THSD7B: variants seen among roughly 807,000 people sequenced by gnomAD.
THSD7B encodes thrombospondin type 1 domain containing 7B, also known as thrombospondin type-1 domain-containing protein 7B.
THSD7B carries 138 observed loss-of-function variants against 213.6 expected under a neutral mutation model. The ratio of observed to expected loss-of-function variants is 0.65; its 90% CI spans 0.56 to 0.74. The LOEUF (loss-of-function observed/expected upper bound fraction) is 0.74. Ranked by LOEUF, THSD7B falls within the 30% of genes least tolerant of loss-of-function variation. THSD7B has a pLI of 0.00. For missense variants in THSD7B, 1,931 were observed against 1,991.5 expected (o/e 0.97, Z 0.58); for synonymous variants, 742 against 687.0 (o/e 1.08, Z -1.25).
intron 2 of THSD7B, among the ~76,000 whole-genome samples, chr2:136,944,772 C>G (rs1235876975): frequency 1.4e-5 from 2 of 148,146 alleles, no homozygotes; most frequent in Non-Finnish European, 3.0e-5. Context: ...TTATTTTGAG[C>G]CTAGTGTTTC....
chr2:137,069,113 C>T (rs1390349470), intron 3 of THSD7B, among the ~76,000 whole-genome samples: 1 of 152,016 alleles, frequency 6.6e-6, no homozygotes, highest in Non-Finnish European at 1.5e-5. Flanking sequence ...TTTGCTTTTA[C>T]TTGTCTCAGT....
chr2:137,442,369 C>T (rs530106665), intron 14 of THSD7B, among the ~76,000 whole-genome samples: 1 of 152,032 alleles, frequency 6.6e-6, no homozygotes, highest in African/African-American at 2.4e-5. Flanking sequence ...ACTTCACCTT[C>T]TGAAGATGCT....
intron 2 of THSD7B, among the ~76,000 whole-genome samples, chr2:137,009,581 A>G (rs752723516): frequency 1.3e-5 from 2 of 152,122 alleles, no homozygotes; most frequent in Non-Finnish European, 2.9e-5. Context: ...CATAATCATG[A>G]TGGAAGGGGA....
At chr2:136,960,242 C>G (rs1685193723) in intron 2 of THSD7B, among the ~76,000 whole-genome samples, 1 of 152,134 alleles carries the variant, frequency 6.6e-6, no homozygotes, top group African/African-American at 2.4e-5. Flanking sequence ...ATCCCCGCAC[C>G]ACAACCTCCT....
At chr2:137,635,106 A>G (rs1479326702) in intron 20 of THSD7B, among the ~76,000 whole-genome samples, 1 of 152,198 alleles carries the variant, frequency 6.6e-6, no homozygotes, top group East Asian at 1.9e-4. Context: ...GAAAAGGCTC[A>G]GAGAGGAGAA....
At chr2:137,283,246 A>G (rs927946118) in intron 12 of THSD7B, among the ~76,000 whole-genome samples, 3 of 152,162 alleles carry the variant, frequency 2.0e-5, no homozygotes, top group South Asian at 2.1e-4. Flanking sequence ...TGATTTTTGC[A>G]CATTGATTTT....
rs144520819 is a variant in THSD7B, at chr2:136,972,375, A to C, written c.140-84045A>C. Among the ~76,000 whole-genome samples, 267 of 152,334 alleles carry C rather than the reference A, an allele frequency of 1.8e-3. 1 individual carries two copies. The highest frequency in any genetic ancestry group is 6.2e-3 in the African/African-American group (258 of 41,588). Reference sequence around the variant, plus strand: ...AAAAGCAAAAGCAGTTGCTCTAGCGAATAGGCAGTAAGTAAAGAAACAAGG... The same window carrying C: ...AAAAGCAAAAGCAGTTGCTCTAGCGCATAGGCAGTAAGTAAAGAAACAAGG... On this transcript the variant is annotated intron_variant, in intron 2 of 27. Coordinates refer to ENST00000409968, the MANE Select transcript of THSD7B (RefSeq NM_001316349.2).
chr2:137,627,115 A>G (rs1682646224), intron 20 of THSD7B, among the ~76,000 whole-genome samples: 1 of 152,234 alleles, frequency 6.6e-6, no homozygotes, highest in Non-Finnish European at 1.5e-5. Flanking sequence ...ACATGGTGAG[A>G]AAGAGAACAA....
At chr2:137,306,765 A>C (rs527303292) in intron 12 of THSD7B, among the ~76,000 whole-genome samples, 1 of 151,980 alleles carries the variant, frequency 6.6e-6, no homozygotes, top group Non-Finnish European at 1.5e-5. Context: ...CCCTTTTAAA[A>C]GTGTTTTCAT....
chr2:137,576,742 T>G (rs956039480), intron 17 of THSD7B, among the ~76,000 whole-genome samples: 1 of 151,920 alleles, frequency 6.6e-6, no homozygotes, highest in Non-Finnish European at 1.5e-5. Context: ...GAGAAATGCA[T>G]GCCGGTTTTC....
chr2:137,132,696 T>G (rs1326957237), intron 5 of THSD7B, among the ~76,000 whole-genome samples: 1 of 152,204 alleles, frequency 6.6e-6, no homozygotes. Flanking sequence ...GATTGTCTGG[T>G]GCAAACCTCT....
chr2:136,888,950 T>C (rs1021245401), intron 2 of THSD7B, among the ~76,000 whole-genome samples: 2 of 148,812 alleles, frequency 1.3e-5, no homozygotes, highest in Non-Finnish European at 3.0e-5. Context: ...TTGGGGTGTG[T>C]GTGTGTGTGT....
At chr2:137,081,773 C>T (rs1030146008) in intron 3 of THSD7B, among the ~76,000 whole-genome samples, 15 of 152,060 alleles carry the variant, frequency 9.9e-5, no homozygotes, top group African/African-American at 2.7e-4. Context: ...TGAAGGTAGT[C>T]TGTTTTATTT....
chr2:136,921,607 G>A (rs1255246713), intron 2 of THSD7B, among the ~76,000 whole-genome samples: 1 of 152,138 alleles, frequency 6.6e-6, no homozygotes, highest in Non-Finnish European at 1.5e-5. Context: ...ACTGCCTTAA[G>A]GATGAATGGC....
chr2:136,930,500 A>G (rs1684608921), intron 2 of THSD7B, among the ~76,000 whole-genome samples: 1 of 152,242 alleles, frequency 6.6e-6, no homozygotes, highest in African/African-American at 2.4e-5. Context: ...GACAGGCCAT[A>G]CAAAACCATG....
intron 3 of THSD7B, among the ~76,000 whole-genome samples, chr2:137,060,596 C>T (rs1004065781): frequency 6.6e-6 from 1 of 151,894 alleles, no homozygotes; most frequent in African/African-American, 2.4e-5. Context: ...TCAGTTGTTC[C>T]AGCACCATTT....
intron 26 of THSD7B, among the ~76,000 whole-genome samples, chr2:137,667,479 G>A (rs370398022): frequency 5.9e-5 from 9 of 152,162 alleles, no homozygotes; most frequent in Admixed American, 3.9e-4. Context: ...CATTAAAAAT[G>A]GTACCATGTA....
intron 2 of THSD7B, among the ~76,000 whole-genome samples, chr2:136,966,133 C>T (rs1685308949): frequency 6.6e-6 from 1 of 152,158 alleles, no homozygotes; most frequent in South Asian, 2.1e-4. Flanking sequence ...ACAGTGGTCT[C>T]AGGGATCTTG....
chr2:136,996,334 TTTTTCTTTTTTC>T (rs1235243157), intron 2 of THSD7B, among the ~76,000 whole-genome samples: 2 of 152,154 alleles, frequency 1.3e-5, no homozygotes, highest in African/African-American at 4.8e-5. Context: ...TCTTTTTCTT[TTTTTCTTTTTTC>T]TTTTCTTTTT....
Sources: allele counts gnomAD v4.1 joint callset (sites outside exome capture counted in the v4.1 genomes callset), GRCh38; gene constraint gnomAD v4.1.1; transcripts MANE v1.5; gene names NCBI Gene and HGNC (gene_info 2026-07-23, HGNC 2026-07-21).